Variants in NR2F6 observed in about 807,000 individuals in gnomAD.
NR2F6 encodes the protein nuclear receptor subfamily 2 group F member 6, also known as ERBA-related gene-2.
NR2F6 carries 16 observed loss-of-function variants against 26.5 expected under a neutral mutation model. The ratio of observed to expected loss-of-function variants is 0.60; its 90% CI spans 0.41 to 0.92. The LOEUF is 0.92. Ranked by LOEUF, NR2F6 falls within the 40% of genes least tolerant of loss-of-function variation. NR2F6 has a pLI of 0.00. For synonymous variants in NR2F6, 325 were observed against 305.0 expected (o/e 1.07, Z -0.68); for missense variants, 536 against 631.7 (o/e 0.85, Z 1.62).
In NR2F6 at chr19:17,245,256, C is replaced by T. The variant is rs1269767583; in HGVS notation, c.-36G>A. The T allele has an allele frequency of 1.1e-5, 14 of 1,224,674 alleles. No individual in the cohort carries two copies. In the South Asian group the frequency reaches 4.4e-4, roughly 38 times the overall value. The allele number at this position is 1,224,674 out of a possible 1,614,324, so 75.9% of individuals were successfully genotyped here. On this transcript the variant is annotated 5_prime_UTR_variant, in exon 1 of 4. Transcript: ENST00000291442. This position sits in a 1 kb window ranked among gnomAD's most constrained non-coding sequence, Gnocchi z 5.0. ...CAGCGGGGCCGGGGCGCCCCCACCG[C>T]GCTCTTCCCTCCGGGCACCCCTCTC...
rs1267747537 is a variant in NR2F6 at position 17,235,773 on chromosome 19, G to A, written c.666C>T (p.Phe222=). Reference sequence around the variant, plus strand: ...GGTCGGCCACCGGCAGCTCGGGGAAGAAGGGCGCGTGGCGCGCCCACTCCA... The same window carrying A: ...GGTCGGCCACCGGCAGCTCGGGGAAAAAGGGCGCGTGGCGCGCCCACTCCA... The part of the protein sequence containing the change: ...STVEWARHAP[F]FPELPVADQV... Residue 222 remains phenylalanine, a synonymous_variant, in exon 3 of 4, where the codon TTC becomes TTT. Transcript: ENST00000291442. This position sits in a 1 kb window ranked among gnomAD's most constrained non-coding sequence, Gnocchi z 5.0. The A allele has an allele frequency of 2.0e-6, 3 of 1,497,748 alleles. No individual in the cohort carries two copies. Among genetic ancestry groups the A allele is most frequent in the Non-Finnish European group, 1.8e-6 (2 of 1,132,310 alleles). 92.8% of individuals were successfully genotyped at this position (1,497,748 alleles called of 1,614,324 possible). A position where few individuals can be genotyped will look rare whatever the true frequency, so the allele number is the denominator to read the frequency against.
chr19:17,244,665 C>T (rs2073486919), intron 1 of NR2F6, among the ~76,000 whole-genome samples: 3 of 152,182 alleles, frequency 2.0e-5, no homozygotes, highest in Admixed American at 2.0e-4. Flanking sequence ...GGAGATGACC[C>T]CTCCCCAGAG....
rs369918989 is a variant in NR2F6 at position 17,232,544 on chromosome 19, C to T, written c.1023G>A (p.Ala341=). 2.1e-5 allele frequency: 33 copies of T among 1,604,576 alleles called. No homozygotes were observed. The highest frequency in any genetic ancestry group is 6.6e-5 in the South Asian group (6 of 90,482). The part of the protein sequence containing the change: ...AQVALTEYVR[A]QYPSQPQRFG... ...AGCGCTGGGGCTGGGACGGGTACTGCGCCCGCACATACTCGGTGAGGGCCA... is the reference window on the plus strand; with the variant it reads ...AGCGCTGGGGCTGGGACGGGTACTGTGCCCGCACATACTCGGTGAGGGCCA... The change falls in exon 4 of 4, where the codon GCG becomes GCA. Residue 341 remains alanine (A), a synonymous_variant. Transcript: ENST00000291442.
intron 2 of NR2F6, among the ~76,000 whole-genome samples, chr19:17,238,787 G>A (rs575139999): frequency 4.6e-5 from 7 of 152,270 alleles, no homozygotes; most frequent in African/African-American, 7.2e-5. Context: ...ACAGCTTTAC[G>A]CCAAGTATGG....
chr19:17,233,010 A>G (rs2073416339), intron 3 of NR2F6, among the ~76,000 whole-genome samples: 1 of 152,142 alleles, frequency 6.6e-6, no homozygotes, highest in Non-Finnish European at 1.5e-5. Flanking sequence ...TTAGCCAGGC[A>G]TGGTAGTGCG....
chr19:17,242,826 A>G (rs1235291331), intron 1 of NR2F6, among the ~76,000 whole-genome samples: 1 of 152,180 alleles, frequency 6.6e-6, no homozygotes, highest in Non-Finnish European at 1.5e-5. Context: ...GGACAGATCC[A>G]TCCCTCCAAG....
chr19:17,244,689 AAGG>A (rs2073487160), intron 1 of NR2F6, among the ~76,000 whole-genome samples: 1 of 151,956 alleles, frequency 6.6e-6, no homozygotes, highest in South Asian at 2.1e-4. Flanking sequence ...AAGCGGAGGG[AAGG>A]AGAAGCAAGT....
At chr19:17,242,085 G>A (rs1252042642) in intron 1 of NR2F6, among the ~76,000 whole-genome samples, 2 of 151,984 alleles carry the variant, frequency 1.3e-5, no homozygotes, top group East Asian at 1.9e-4. Flanking sequence ...TTGGGAGGCC[G>A]AGGCGGGCGG....
In NR2F6 at chr19:17,235,389, C is replaced by G; in HGVS notation, c.940+110G>C. On this transcript the variant is annotated intron_variant, in intron 3 of 3. Transcript: ENST00000291442. This position sits in a 1 kb window ranked among gnomAD's most constrained non-coding sequence, Gnocchi z 5.0. ...TCACGGCGCGTGCAGGGCCCCAGGC[C>G]TAGGGAGCGAGCGGGGCGCTATGGG... The G allele has an allele frequency of 2.7e-6, 4 of 1,491,352 alleles. No individual in the cohort carries two copies. Among genetic ancestry groups the G allele is most frequent in the Non-Finnish European group, 2.7e-6 (3 of 1,126,672 alleles). 92.4% of individuals were successfully genotyped at this position (1,491,352 alleles called of 1,614,324 possible). A position where few individuals can be genotyped will look rare whatever the true frequency, so the allele number is the denominator to read the frequency against.
At position 17,245,517 on chromosome 19, in the gene NR2F6, G is replaced by C. The variant is rs2073493957; in HGVS notation, c.-297C>G. ...CAGAGGACTCGCGTCCCGCCGCCCT[G>C]GGGCCCCGGCGGGGGCGCGCGGGCC... On this transcript the variant is annotated 5_prime_UTR_variant, in exon 1 of 4. Coordinates refer to ENST00000291442, the MANE Select transcript of NR2F6 (RefSeq NM_005234.4). This position sits in a 1 kb window ranked among gnomAD's most constrained non-coding sequence, Gnocchi z 5.0. 1 of 151,556 alleles carries C rather than the reference G, an allele frequency of 6.6e-6. No individual in the cohort carries two copies. Among genetic ancestry groups the C allele is most frequent in the Non-Finnish European group, 1.4e-5 (1 of 69,088 alleles). 9.4% of individuals were successfully genotyped at this position (151,556 alleles called of 1,614,324 possible). A position where few individuals can be genotyped will look rare whatever the true frequency, so the allele number is the denominator to read the frequency against.
At chr19:17,242,823 T>C (rs2073476830) in intron 1 of NR2F6, among the ~76,000 whole-genome samples, 1 of 152,124 alleles carries the variant, frequency 6.6e-6, no homozygotes, top group Admixed American at 6.5e-5. Flanking sequence ...TTGGGACAGA[T>C]CCATCCCTCC....
At chr19:17,241,253 C>T (rs2073467553) in intron 1 of NR2F6, among the ~76,000 whole-genome samples, 1 of 152,148 alleles carries the variant, frequency 6.6e-6, no homozygotes, top group Non-Finnish European at 1.5e-5. Context: ...AGGCCAGGGG[C>T]TAGTGGTCTG....
rs1383318080 is a variant in NR2F6, at chr19:17,232,498, G to A, written c.1069C>T (p.Leu357Phe). 1 of 1,612,030 alleles carries A rather than the reference G, an allele frequency of 6.2e-7. No homozygotes were observed. The stretch of plus-strand genomic sequence containing the variant: ...GCAGGGACCGCGCGCAGGGCGGGGA[G>A]CCGCAGCAGCAGGCGCCCGAAGCGC... ...PQRFGRLLLR[L>F]PALRAVPASL... Residue 357 changes from leucine to phenylalanine, a missense_variant, in exon 4 of 4, where the codon CTC (leucine) becomes TTC (phenylalanine). Leu to Phe is a conservative substitution (Grantham distance 22, BLOSUM62 0). Transcript: ENST00000291442.
chr19:17,239,838 T>G (rs537633033), intron 2 of NR2F6, among the ~76,000 whole-genome samples: 6 of 150,302 alleles, frequency 4.0e-5, no homozygotes, highest in East Asian at 3.9e-4. Flanking sequence ...TAAAAATAAA[T>G]AAAGAAAATA....
Position 17,245,320 on chromosome 19 carries a change from C to T in NR2F6, c.-100G>A. 9.6e-7 allele frequency: 1 copy of T among 1,039,436 alleles called. No homozygotes were observed. The allele number at this position is 1,039,436 out of a possible 1,614,324, so 64.4% of individuals were successfully genotyped here. On this transcript the variant is annotated 5_prime_UTR_variant, in exon 1 of 4. Coordinates refer to ENST00000291442, the MANE Select transcript of NR2F6 (RefSeq NM_005234.4). The surrounding 1 kb of genome is among the most constrained non-coding windows in gnomAD (Gnocchi z 5.0). ...CTACGCGGCGCGCATTCGGCCCCGG[C>T]GCGCGGGGGGCACGGGCTGCACCCC...
At chr19:17,243,821 TCC>T (rs1568318572) in intron 1 of NR2F6, among the ~76,000 whole-genome samples, 1 of 151,556 alleles carries the variant, frequency 6.6e-6, no homozygotes, top group Non-Finnish European at 1.5e-5. Context: ...GCCCCACAGT[TCC>T]CCCACAGTGC....
chr19:17,245,299 G>T lies in NR2F6; in HGVS notation c.-79C>A. On this transcript the variant is annotated 5_prime_UTR_variant, in exon 1 of 4. Transcript: ENST00000291442. This position sits in a 1 kb window ranked among gnomAD's most constrained non-coding sequence, Gnocchi z 5.0. ...CCCCTCTCGGCCCGGGGGACCCTAC[G>T]CGGCGCGCATTCGGCCCCGGCGCGC... 1 of 1,159,024 alleles carries T rather than the reference G, an allele frequency of 8.6e-7. No individual in the cohort carries two copies. The highest frequency in any genetic ancestry group is 1.1e-6 in the Non-Finnish European group (1 of 936,124). 71.8% of individuals were successfully genotyped at this position (1,159,024 alleles called of 1,614,324 possible).
chr19:17,232,078 G>T lies in NR2F6; in HGVS notation c.*274C>A, dbSNP rs762428143. 9 of 461,278 alleles carry T rather than the reference G, an allele frequency of 2.0e-5. No homozygotes were observed. Among genetic ancestry groups the T allele is most frequent in the Non-Finnish European group, 2.7e-5 (7 of 260,438 alleles). The allele number at this position is 461,278 out of a possible 1,614,324, so 28.6% of individuals were successfully genotyped here. ...ACCATCCCACAAGTTCATGCTAGGGGTGCTGAGGAACAAGGCTGTCCTAGG... is the reference window on the plus strand; with the variant it reads ...ACCATCCCACAAGTTCATGCTAGGGTTGCTGAGGAACAAGGCTGTCCTAGG... On this transcript the variant is annotated 3_prime_UTR_variant, in exon 4 of 4. Transcript: ENST00000291442.
chr19:17,236,771 G>A (rs927569799), intron 2 of NR2F6, among the ~76,000 whole-genome samples: 1 of 148,946 alleles, frequency 6.7e-6, no homozygotes, highest in Admixed American at 6.7e-5. Context: ...GGAAGGGTTG[G>A]GGGGGACCTA....
Sources: allele counts gnomAD v4.1 joint callset (sites outside exome capture counted in the v4.1 genomes callset), GRCh38; gene constraint gnomAD v4.1.1; non-coding constraint Gnocchi (gnomAD v3.1); transcripts MANE v1.5; gene names NCBI Gene and HGNC (gene_info 2026-07-23, HGNC 2026-07-21).